The following L3HYPDH variants were observed in gnomAD, a reference collection of about 807,000 sequenced individuals.
L3HYPDH encodes the protein trans-3-hydroxy-L-proline dehydratase.
Under a neutral mutation model 26.5 loss-of-function variants are expected in L3HYPDH, and 32 were observed. That is an observed-to-expected ratio of 1.21 (90% CI 0.91 to 1.62). L3HYPDH has a LOEUF of 1.62. Ranked by LOEUF, L3HYPDH falls within the 40% of genes most tolerant of loss-of-function variation. The pLI, the probability that L3HYPDH is intolerant of heterozygous loss-of-function variation, is 0.00. For missense variants in L3HYPDH, 554 were observed against 476.4 expected, an observed-to-expected ratio of 1.16 and a Z score of -1.52; for synonymous variants, 215 against 196.6, an observed-to-expected ratio of 1.09 and a Z score of -0.78.
Position 59,476,145 on chromosome 14 carries a change from C to T in L3HYPDH, c.748G>A (p.Asp250Asn). ...GTGGTTGGTTCCTTGGTATAAGCAT[C>T]TTTTCCATCTGTTAATATAGTTCCA... The part of the protein sequence containing the change: ...LYGTILTDGK[D>N]AYTKEPTTNI... The change falls in exon 3 of 5, where the codon GAT becomes AAT. Residue 250 changes from aspartate (D) to asparagine (N), a missense_variant. By Grantham distance (23) the Asp-to-Asn change is conservative (BLOSUM62 1). Coordinates refer to ENST00000247194, the MANE Select transcript of L3HYPDH (RefSeq NM_144581.2). 1 of 1,613,876 alleles carries T rather than the reference C, an allele frequency of 6.2e-7. No homozygotes were observed. Among genetic ancestry groups the T allele is most frequent in the South Asian group, 1.1e-5 (1 of 91,058 alleles).
Position 59,484,357 on chromosome 14 carries a change from G to A in L3HYPDH, c.-41C>T. 3.2e-6 allele frequency: 5 copies of A among 1,538,624 alleles called. No homozygotes were observed. The highest frequency in any genetic ancestry group is 4.4e-6 in the Non-Finnish European group (5 of 1,145,098). ...AGACGAGTACGGTCCCGCAGCTATG[G>A]CTTCAAGCCCGACCCTCACCCACTG... is the stretch of plus-strand genomic sequence containing the variant. On this transcript the variant is annotated 5_prime_UTR_variant, in exon 1 of 5. Coordinates refer to ENST00000247194, the MANE Select transcript of L3HYPDH (RefSeq NM_144581.2).
At chr14:59,495,336 T>C in the L3HYPDH span, 1 of 722,044 alleles carries the variant, frequency 1.4e-6, no homozygotes, top group Non-Finnish European at 2.3e-6. Flanking sequence ...GTTCTGGGTC[T>C]GCCAGCGGCT....
chr14:59,489,754 G>A, the L3HYPDH span, among the ~76,000 whole-genome samples: 1 of 152,148 alleles, frequency 6.6e-6, no homozygotes, highest in African/African-American at 2.4e-5. Context: ...ATGAAGCATA[G>A]TACTGGCATC....
chr14:59,480,543 A>G (rs182864445), intron 1 of L3HYPDH, among the ~76,000 whole-genome samples: 1 of 152,366 alleles, frequency 6.6e-6, no homozygotes, highest in African/African-American at 2.4e-5. Flanking sequence ...AAGTGAACCA[A>G]AAGGACAGAG....
At chr14:59,465,650 G>C (rs1457657532) in intron 1 of L3HYPDH, among the ~76,000 whole-genome samples, 1 of 152,134 alleles carries the variant, frequency 6.6e-6, no homozygotes, top group Admixed American at 6.5e-5. Flanking sequence ...TGTTCTACAG[G>C]CAGGCCTTTT....
At chr14:59,504,370 A>T in the L3HYPDH span, 2 of 321,650 alleles carry the variant, frequency 6.2e-6, no homozygotes, top group African/African-American at 4.3e-5. Flanking sequence ...GTTTCTGTGT[A>T]CCTAGCAATG....
Position 59,472,836 on chromosome 14 carries a change from G to T in L3HYPDH, c.*129C>A. 1 of 734,082 alleles carries T rather than the reference G, an allele frequency of 1.4e-6. No individual in the cohort carries two copies. Among genetic ancestry groups the T allele is most frequent in the Non-Finnish European group, 2.0e-6 (1 of 491,692 alleles). 45.5% of individuals were successfully genotyped at this position (734,082 alleles called of 1,614,324 possible). ...ATAATGACTTTATATTTAGCCACAG[G>T]GTAGTATTTTACAAAGAATGAGAGT... On this transcript the variant is annotated 3_prime_UTR_variant, in exon 5 of 5. Transcript: ENST00000247194.
At chr14:59,486,851 C>A, upstream of L3HYPDH, 1 of 1,245,288 alleles carries the variant, frequency 8.0e-7, no homozygotes, top group Non-Finnish European at 1.1e-6. Flanking sequence ...AATCTATTTG[C>A]TTTTGAAATA....
chr14:59,495,012 C>G, the L3HYPDH span: 1 of 1,609,542 alleles, frequency 6.2e-7, no homozygotes, highest in Non-Finnish European at 8.5e-7. Context: ...TCTTTTCCTT[C>G]TCTAGTTCCA....
the L3HYPDH span, among the ~76,000 whole-genome samples, chr14:59,492,285 TG>T: frequency 6.6e-6 from 1 of 152,192 alleles, no homozygotes; most frequent in South Asian, 2.1e-4. Context: ...ATTAAACAGT[TG>T]AAGATAGAAT....
chr14:59,495,258 T>A, the L3HYPDH span: 1 of 1,460,412 alleles, frequency 6.8e-7, no homozygotes, highest in Non-Finnish European at 9.6e-7. Flanking sequence ...ATCATTGTTT[T>A]TTTTTAAATC....
the L3HYPDH span, among the ~76,000 whole-genome samples, chr14:59,502,999 C>T: frequency 6.6e-6 from 1 of 151,840 alleles, no homozygotes; most frequent in Non-Finnish European, 1.5e-5. Context: ...CCACCCACCT[C>T]GGCCTCCCAC....
chr14:59,486,536 T>G, upstream of L3HYPDH: 1 of 596,958 alleles, frequency 1.7e-6, no homozygotes, highest in Non-Finnish European at 3.0e-6. Context: ...GATAACTGTC[T>G]GCAGTGTCAC....
intron 1 of L3HYPDH, among the ~76,000 whole-genome samples, chr14:59,482,296 G>C (rs1011792057): frequency 1.3e-5 from 2 of 152,148 alleles, no homozygotes; most frequent in Non-Finnish European, 2.9e-5. Context: ...TCAAAGTAGA[G>C]AATATAGCAT....
At chr14:59,504,157 T>TATCA in the L3HYPDH span, 5 of 759,422 alleles carry the variant, frequency 6.6e-6, no homozygotes, top group East Asian at 2.6e-5. Flanking sequence ...AGAACTATTC[T>TATCA]ATCATATATG....
chr14:59,478,913 T>TA (rs988005074), intron 2 of L3HYPDH: 239 of 309,650 alleles, frequency 7.7e-4, no homozygotes, highest in Middle Eastern at 1.7e-3. Flanking sequence ...GCTGATGAGC[T>TA]AAAAAAAAAT....
upstream of L3HYPDH, chr14:59,484,682 C>A (rs1023571201): frequency 1.2e-5 from 18 of 1,472,248 alleles, no homozygotes; most frequent in Admixed American, 4.0e-5. Context: ...TCTTTGTAGG[C>A]GGCCTTCGGT....
At chr14:59,492,670 A>G in the L3HYPDH span, among the ~76,000 whole-genome samples, 1 of 152,184 alleles carries the variant, frequency 6.6e-6, no homozygotes, top group African/African-American at 2.4e-5. Flanking sequence ...AGGCTTCCAG[A>G]GGAAAAGAGC....
downstream of L3HYPDH, among the ~76,000 whole-genome samples, chr14:59,468,251 AT>A (rs1197504468): frequency 6.6e-6 from 1 of 152,132 alleles, no homozygotes; most frequent in East Asian, 1.9e-4. Context: ...GGCTTTCCCC[AT>A]TTATTTTAGA....
Sources: gnomAD v4.1 joint callset for allele counts (sites outside exome capture counted in the v4.1 genomes callset) on GRCh38, gnomAD v4.1.1 for gene constraint, MANE v1.5 for transcripts, NCBI Gene and HGNC (gene_info 2026-07-23, HGNC 2026-07-21) for gene names.